PAFAH1B1: variants seen among roughly 807,000 people sequenced by gnomAD.
PAFAH1B1 encodes the protein platelet activating factor acetylhydrolase 1b regulatory subunit 1.
Under a neutral mutation model 57.5 loss-of-function variants are expected in PAFAH1B1, and 2 were observed. The ratio of observed to expected loss-of-function variants is 0.03; its 90% CI spans 0.01 to 0.11. The LOEUF is 0.11. Among genes scored for constraint, PAFAH1B1 ranks in the 10% least tolerant of loss-of-function variants. The probability of loss-of-function intolerance (pLI) is 1.00; values close to 1 mark genes in which losing one functional copy is unlikely to be tolerated. For missense variants in PAFAH1B1, 257 were observed against 512.0 expected (o/e 0.50, Z 4.81); for synonymous variants, 152 against 169.6 (o/e 0.90, Z 0.81).
In PAFAH1B1 at chr17:2,681,601, A is replaced by G. The variant is rs369465134; in HGVS notation, c.1160-128A>G. 4,022 of 696,658 alleles carry G rather than the reference A, an allele frequency of 5.8e-3. 151 individuals carry two copies. The South Asian group carries it at 0.064, about 11-fold the overall frequency. The allele number at this position is 696,658 out of a possible 1,614,324, so 43.2% of individuals were successfully genotyped here. On this transcript the variant is annotated intron_variant, in intron 10 of 10. Coordinates refer to ENST00000397195, the MANE Select transcript of PAFAH1B1 (RefSeq NM_000430.4). ...ATCAGTCTCCCGAGTAGCTGGGACT[A>G]CAGGCACACACTACCATGCCCGGCT...
chr17:2,674,694 T>C (rs1318778755), intron 8 of PAFAH1B1, among the ~76,000 whole-genome samples: 1 of 152,244 alleles, frequency 6.6e-6, no homozygotes, highest in African/African-American at 2.4e-5. Flanking sequence ...TTTTTAAAAT[T>C]AATTCCAGAT....
In PAFAH1B1 at chr17:2,685,020, G is replaced by A. The variant is rs1442191560; in HGVS notation, c.*3218G>A. 6.6e-6 allele frequency: 1 copy of A among 152,090 alleles called. No individual in the cohort carries two copies. The highest frequency in any genetic ancestry group is 2.4e-5 in the African/African-American group (1 of 41,394). The allele number at this position is 152,090 out of a possible 1,614,324, so 9.4% of individuals were successfully genotyped here. A position where few individuals can be genotyped will look rare whatever the true frequency, so the allele number is the denominator to read the frequency against. ...TCCTTAAGCAACTGAAGTTAAAATT[G>A]TTGAAGGAAAAGGCACTTAAATTGG... On this transcript the variant is annotated 3_prime_UTR_variant, in exon 11 of 11. Transcript: ENST00000397195.
intron 1 of PAFAH1B1, among the ~76,000 whole-genome samples, chr17:2,612,643 C>G (rs1782304642): frequency 6.6e-6 from 1 of 152,188 alleles, no homozygotes; most frequent in African/African-American, 2.4e-5. Flanking sequence ...GAAGGGGACT[C>G]TGTCCCCCAA....
intron 1 of PAFAH1B1, among the ~76,000 whole-genome samples, chr17:2,624,809 T>C (rs1466870458): frequency 6.6e-6 from 1 of 152,150 alleles, no homozygotes; most frequent in African/African-American, 2.4e-5. Context: ...CATCAAAATA[T>C]TGGAATTACA....
intron 2 of PAFAH1B1, chr17:2,638,638 G>A (rs2068654597): frequency 3.6e-6 from 1 of 279,328 alleles, no homozygotes; most frequent in Admixed American, 4.9e-5. Flanking sequence ...CTCCCAAGTA[G>A]CTGGGATTAC....
intron 1 of PAFAH1B1, chr17:2,613,810 G>T: frequency 1.0e-5 from 3 of 288,722 alleles, no homozygotes; most frequent in South Asian, 4.3e-5. Flanking sequence ...TGCCGGGCGA[G>T]CATCTCCACT....
chr17:2,618,992 C>T (rs1442045558), intron 1 of PAFAH1B1, among the ~76,000 whole-genome samples: 1 of 148,580 alleles, frequency 6.7e-6, no homozygotes, highest in Non-Finnish European at 1.5e-5. Context: ...GAGCAACAGT[C>T]ATATAACACT....
rs573534410 is a variant in PAFAH1B1, at chr17:2,593,654, A to T, written c.-543A>T. ...AGGGCGTTGGGGCAGCTCCTGTGAC[A>T]GACGGAGCTGGAGCGGCGGGGCGGC... is the stretch of plus-strand genomic sequence containing the variant. On this transcript the variant is annotated 5_prime_UTR_variant, in exon 1 of 11. Coordinates refer to ENST00000397195, the MANE Select transcript of PAFAH1B1 (RefSeq NM_000430.4). 3.9e-6 allele frequency: 1 copy of T among 257,636 alleles called. No homozygotes were observed. The highest frequency in any genetic ancestry group is 1.1e-4 in the South Asian group (1 of 8,994). The allele number at this position is 257,636 out of a possible 1,614,324, so 16.0% of individuals were successfully genotyped here.
intron 1 of PAFAH1B1, among the ~76,000 whole-genome samples, chr17:2,605,002 G>C (rs549827261): frequency 1.3e-5 from 2 of 152,298 alleles, no homozygotes; most frequent in South Asian, 4.1e-4. Flanking sequence ...GTAGCTTGTA[G>C]GCAAGTTGGA....
chr17:2,659,797 T>C (rs892608628), intron 2 of PAFAH1B1, among the ~76,000 whole-genome samples: 1 of 152,112 alleles, frequency 6.6e-6, no homozygotes, highest in Non-Finnish European at 1.5e-5. Flanking sequence ...ATCATGCCAC[T>C]GCACTCCAGC....
Position 2,682,627 on chromosome 17 carries a change from G to A in PAFAH1B1, c.*825G>A, listed in dbSNP as rs2069401311. 1 of 152,590 alleles carries A rather than the reference G, an allele frequency of 6.6e-6. No individual in the cohort carries two copies. The highest frequency in any genetic ancestry group is 1.5e-5 in the Non-Finnish European group (1 of 68,032). 9.5% of individuals were successfully genotyped at this position (152,590 alleles called of 1,614,324 possible). On this transcript the variant is annotated 3_prime_UTR_variant, in exon 11 of 11. Coordinates refer to ENST00000397195, the MANE Select transcript of PAFAH1B1 (RefSeq NM_000430.4). ...TGTGTAGTGATGTGACTTCCAAGTA[G>A]AATTTAATCTCCCCATTGAGTGTGT...
chr17:2,680,114 A>C (rs776581752), intron 9 of PAFAH1B1, 50 bp from the exon 10 acceptor site: 2 of 1,508,504 alleles, frequency 1.3e-6, no homozygotes, highest in Non-Finnish European at 1.8e-6. Context: ...AATAGATGCT[A>C]TTTAAACATT....
Position 2,685,202 on chromosome 17 carries a change from A to G in PAFAH1B1, c.*3400A>G, listed in dbSNP as rs2069456443. On this transcript the variant is annotated 3_prime_UTR_variant, in exon 11 of 11. Coordinates refer to ENST00000397195, the MANE Select transcript of PAFAH1B1 (RefSeq NM_000430.4). ...GGAGGGCAAGCTGGATTTACAGGTC[A>G]CGGCTGGACTGAATGGGCCTTTTTA... The G allele has an allele frequency of 2.6e-5, 4 of 152,270 alleles. No homozygotes were observed. The highest frequency in any genetic ancestry group is 2.6e-4 in the Admixed American group (4 of 15,262). The allele number at this position is 152,270 out of a possible 1,614,324, so 9.4% of individuals were successfully genotyped here.
chr17:2,679,534 A>T (rs952677831), intron 9 of PAFAH1B1, among the ~76,000 whole-genome samples: 2 of 140,442 alleles, frequency 1.4e-5, no homozygotes, highest in Non-Finnish European at 3.1e-5. Context: ...GATTGGATGG[A>T]TGGATGGATG....
chr17:2,593,286 G>T (rs1005782270), upstream of PAFAH1B1: 1 of 152,116 alleles, frequency 6.6e-6, no homozygotes, highest in Admixed American at 6.5e-5. Flanking sequence ...CGGTGCCAAC[G>T]GGACGCCGCG....
intron 1 of PAFAH1B1, among the ~76,000 whole-genome samples, chr17:2,631,624 G>A (rs10445281): frequency 6.6e-6 from 1 of 152,100 alleles, no homozygotes; most frequent in African/African-American, 2.4e-5. Context: ...CTTCTCTAGT[G>A]GGGGTGTGTG....
At chr17:2,600,951 C>G (rs1386409307) in intron 1 of PAFAH1B1, among the ~76,000 whole-genome samples, 1 of 151,936 alleles carries the variant, frequency 6.6e-6, no homozygotes, top group South Asian at 2.1e-4. Context: ...AGGCTGATCT[C>G]GAACTCCTGA....
intron 1 of PAFAH1B1, among the ~76,000 whole-genome samples, chr17:2,600,202 T>G (rs893496499): frequency 7.2e-5 from 11 of 151,994 alleles, no homozygotes; most frequent in Admixed American, 4.6e-4. Context: ...CGAGTTGGCC[T>G]CCCAAAGTGC....
At chr17:2,598,979 G>A (rs1415025476) in intron 1 of PAFAH1B1, among the ~76,000 whole-genome samples, 1 of 152,140 alleles carries the variant, frequency 6.6e-6, no homozygotes, top group Non-Finnish European at 1.5e-5. Flanking sequence ...TTGGTGGCAG[G>A]CATCATAAGC....
Sources: allele counts gnomAD v4.1 joint callset (sites outside exome capture counted in the v4.1 genomes callset), GRCh38; gene constraint gnomAD v4.1.1; transcripts MANE v1.5; gene names NCBI Gene and HGNC (gene_info 2026-07-23, HGNC 2026-07-21).